Variants in CADM2 observed in about 807,000 individuals in gnomAD.
CADM2 encodes cell adhesion molecule 2.
CADM2 carries 12 observed loss-of-function variants against 49.8 expected under a neutral mutation model. The observed-to-expected ratio is 0.24, with a 90% CI of 0.15 to 0.39. The LOEUF (loss-of-function observed/expected upper bound fraction) is 0.39, where lower values mean the gene tolerates loss of function less well. Ranked by LOEUF, CADM2 falls within the 10% of genes least tolerant of loss-of-function variation. The pLI, the probability that CADM2 is intolerant of heterozygous loss-of-function variation, is 1.00. For synonymous variants in CADM2, 214 were observed against 175.4 expected, an observed-to-expected ratio of 1.22 and a Z score of -1.74; for missense variants, 378 against 492.3, an observed-to-expected ratio of 0.77 and a Z score of 2.20.
At chr3:85,025,031 C>A (rs2034666565) in intron 1 of CADM2, among the ~76,000 whole-genome samples, 1 of 151,734 alleles carries the variant, frequency 6.6e-6, no homozygotes, top group Admixed American at 6.6e-5. Context: ...AGTATTTAAG[C>A]CAGGTTTTTC....
At chr3:85,353,738 A>G (rs1305607904) in intron 1 of CADM2, among the ~76,000 whole-genome samples, 1 of 150,280 alleles carries the variant, frequency 6.7e-6, no homozygotes, top group Non-Finnish European at 1.5e-5. Context: ...CCTCCTTTCC[A>G]CTCAATATTT....
chr3:85,105,860 C>G (rs2038202107), intron 1 of CADM2, among the ~76,000 whole-genome samples: 2 of 151,384 alleles, frequency 1.3e-5, no homozygotes, highest in Non-Finnish European at 2.9e-5. Context: ...AGCCAAACAC[C>G]ACATATTCTG....
chr3:85,198,177 T>G (rs2041393307), intron 1 of CADM2, among the ~76,000 whole-genome samples: 1 of 151,898 alleles, frequency 6.6e-6, no homozygotes, highest in Admixed American at 6.6e-5. Context: ...GAATTATAAT[T>G]TTATAATTAG....
At chr3:85,792,470 G>A (rs572159479) in intron 2 of CADM2, among the ~76,000 whole-genome samples, 2 of 152,270 alleles carry the variant, frequency 1.3e-5, no homozygotes, top group South Asian at 4.1e-4. Context: ...ATAGTGAGAG[G>A]ACTTAAGTTC....
At chr3:85,631,024 A>T (rs1445454758) in intron 1 of CADM2, among the ~76,000 whole-genome samples, 2 of 152,078 alleles carry the variant, frequency 1.3e-5, no homozygotes, top group Non-Finnish European at 2.9e-5. Flanking sequence ...TAAAATAAAA[A>T]GTTCTTATCA....
rs1465666198 is a variant in CADM2 at position 85,265,070 on chromosome 3, G to A, written c.61+305402G>A. On this transcript the variant is annotated intron_variant, in intron 1 of 9. Coordinates refer to ENST00000383699, the MANE Select transcript of CADM2 (RefSeq NM_001167675.2). ...TAGAACAACATTCAGAATATGGTAA[G>A]TACTCACTGGCAGATATTGCTGGGC... Among the ~76,000 whole-genome samples the A allele has an allele frequency of 2.0e-5, 3 of 151,972 alleles. No individual in the cohort carries two copies. The East Asian group carries it at 5.8e-4, about 29-fold the overall frequency.
intron 3 of CADM2, among the ~76,000 whole-genome samples, chr3:85,851,586 C>T (rs749096772): frequency 6.7e-6 from 1 of 149,896 alleles, no homozygotes; most frequent in Non-Finnish European, 1.5e-5. Context: ...AGAATAAGCA[C>T]AGCTTAATAT....
intron 1 of CADM2, among the ~76,000 whole-genome samples, chr3:85,505,949 A>G (rs1218815150): frequency 6.6e-6 from 1 of 152,106 alleles, no homozygotes; most frequent in Non-Finnish European, 1.5e-5. Context: ...GCTATAGGTC[A>G]AGTTTTCCTT....
At chr3:85,798,437 A>G (rs889179575) in intron 2 of CADM2, among the ~76,000 whole-genome samples, 3 of 152,212 alleles carry the variant, frequency 2.0e-5, no homozygotes, top group Middle Eastern at 3.4e-3. Flanking sequence ...TCTTGAGTTA[A>G]TTTTTGTATA....
intron 2 of CADM2, among the ~76,000 whole-genome samples, chr3:85,780,776 G>A (rs1010698226): frequency 7.2e-5 from 11 of 152,028 alleles, no homozygotes; most frequent in Non-Finnish European, 1.3e-4. Context: ...AACTACTTCA[G>A]TGTCCTTCTC....
intron 1 of CADM2, among the ~76,000 whole-genome samples, chr3:85,573,360 G>A (rs1392228039): frequency 6.6e-6 from 1 of 151,850 alleles, no homozygotes; most frequent in South Asian, 2.1e-4. Context: ...GCTCAGCTAA[G>A]TTTTGTATTT....
At chr3:85,817,411 C>T (rs572935664) in intron 3 of CADM2, among the ~76,000 whole-genome samples, 1 of 140,904 alleles carries the variant, frequency 7.1e-6, no homozygotes, top group South Asian at 2.5e-4. Context: ...CATAGTCCAC[C>T]CTTCTTTTAA....
chr3:85,939,046 A>T (rs888712282), intron 7 of CADM2, among the ~76,000 whole-genome samples: 65 of 152,146 alleles, frequency 4.3e-4, no homozygotes, highest in African/African-American at 1.3e-3. Flanking sequence ...TGTAAATCAC[A>T]ACATCATGGC....
chr3:85,897,775 A>C (rs1249490527), intron 5 of CADM2, among the ~76,000 whole-genome samples: 1 of 152,288 alleles, frequency 6.6e-6, no homozygotes, highest in African/African-American at 2.4e-5. Context: ...ATAAAACTTT[A>C]ATTTGAATGA....
intron 8 of CADM2, among the ~76,000 whole-genome samples, chr3:86,059,924 C>T (rs73136140): frequency 0.01 from 1,585 of 152,096 alleles, 22 homozygotes; most frequent in Middle Eastern, 0.066. Context: ...TTTAAAAATA[C>T]ACTTACTTGT....
chr3:85,568,473 C>CTCTTTCTT (rs34480650), intron 1 of CADM2, among the ~76,000 whole-genome samples: 1,020 of 27,580 alleles, frequency 0.037, 184 homozygotes, highest in Middle Eastern at 0.11. Context: ...CTCTTTCTCT[C>CTCTTTCTT]TCTTTCTTTC....
At chr3:85,590,364 C>CTTACCTTT (rs2063070847) in intron 1 of CADM2, among the ~76,000 whole-genome samples, 1 of 151,840 alleles carries the variant, frequency 6.6e-6, no homozygotes, top group East Asian at 1.9e-4. Flanking sequence ...AAGGTAAGCG[C>CTTACCTTT]TTTATAGTAC....
At chr3:85,223,235 G>A (rs1465748357) in intron 1 of CADM2, among the ~76,000 whole-genome samples, 1 of 152,110 alleles carries the variant, frequency 6.6e-6, no homozygotes, top group South Asian at 2.1e-4. Flanking sequence ...TACCTTCAGA[G>A]GTATGAAAAA....
intron 8 of CADM2, among the ~76,000 whole-genome samples, chr3:86,011,239 A>C (rs1731467826): frequency 6.6e-6 from 1 of 152,122 alleles, no homozygotes; most frequent in Non-Finnish European, 1.5e-5. Context: ...ATCCTAAATG[A>C]AATACTAGCA....
Sources: gnomAD v4.1 joint callset for allele counts (sites outside exome capture counted in the v4.1 genomes callset) on GRCh38, gnomAD v4.1.1 for gene constraint, MANE v1.5 for transcripts, NCBI Gene and HGNC (gene_info 2026-07-23, HGNC 2026-07-21) for gene names.